Variants in FRMD4B observed in about 807,000 individuals in gnomAD.
FRMD4B encodes the protein FERM domain-containing protein 4B.
A neutral mutation model predicts 141.5 loss-of-function variants in FRMD4B; 74 were observed. That is an observed-to-expected ratio of 0.52 (90% CI 0.43 to 0.63). The LOEUF (loss-of-function observed/expected upper bound fraction) is 0.63, where lower values mean the gene tolerates loss of function less well. Among genes scored for constraint, FRMD4B ranks in the 30% least tolerant of loss-of-function variants. The probability of loss-of-function intolerance (pLI) is 0.00; values close to 1 mark genes in which losing one functional copy is unlikely to be tolerated. For missense variants in FRMD4B, 1,366 were observed against 1,253.4 expected (o/e 1.09, Z -1.36); for synonymous variants, 506 against 467.9 (o/e 1.08, Z -1.05).
chr3:69,407,686 G>C (rs1438831522), intron 2 of FRMD4B, among the ~76,000 whole-genome samples: 1 of 152,212 alleles, frequency 6.6e-6, no homozygotes, highest in African/African-American at 2.4e-5. Flanking sequence ...CCAGTTGATT[G>C]GTAGTGGCTG....
chr3:69,408,630 T>C (rs1704696878), intron 2 of FRMD4B, among the ~76,000 whole-genome samples: 1 of 152,144 alleles, frequency 6.6e-6, no homozygotes, highest in Non-Finnish European at 1.5e-5. Context: ...TCAGGGCTTG[T>C]TGCACTGCCT....
intron 19 of FRMD4B, among the ~76,000 whole-genome samples, chr3:69,187,376 T>G (rs1351362242): frequency 6.6e-6 from 1 of 151,494 alleles, no homozygotes; most frequent in African/African-American, 2.4e-5. Context: ...AGAAACCCCG[T>G]CTCTCCTAAA....
At chr3:69,409,125 C>T (rs774207951) in intron 2 of FRMD4B, among the ~76,000 whole-genome samples, 13 of 152,164 alleles carry the variant, frequency 8.5e-5, no homozygotes, top group Non-Finnish European at 1.9e-4. Flanking sequence ...TGTAGTCATT[C>T]CACTACTCAG....
intron 3 of FRMD4B, 47 bp downstream of exon 3, chr3:69,311,216 G>A: frequency 2.4e-6 from 2 of 849,908 alleles, no homozygotes; most frequent in Non-Finnish European, 3.9e-6. Flanking sequence ...CAGCAAGTAG[G>A]TAGCCCAGGC....
intron 17 of FRMD4B, among the ~76,000 whole-genome samples, chr3:69,191,676 G>C (rs867011916): frequency 1.1e-4 from 17 of 152,182 alleles, no homozygotes; most frequent in African/African-American, 3.9e-4. Context: ...TTGAAGGCAA[G>C]GTGCCAGTAT....
At chr3:69,200,708 T>G in intron 11 of FRMD4B, 1 of 1,280,840 alleles carries the variant, frequency 7.8e-7, no homozygotes, top group Non-Finnish European at 1.0e-6. Context: ...TGGAGGGCAG[T>G]TGGGATTTGC....
At chr3:69,309,291 T>A (rs1213054439) in intron 3 of FRMD4B, among the ~76,000 whole-genome samples, 1 of 128,924 alleles carries the variant, frequency 7.8e-6, no homozygotes, top group Non-Finnish European at 1.6e-5. Context: ...TCACCACACC[T>A]GGCTGATTTT....
chr3:69,499,409 G>A (rs887748198), intron 1 of FRMD4B, among the ~76,000 whole-genome samples: 2 of 152,184 alleles, frequency 1.3e-5, no homozygotes, highest in African/African-American at 2.4e-5. Context: ...TTTGGACCAT[G>A]GCTGTAGGAG....
intron 1 of FRMD4B, among the ~76,000 whole-genome samples, chr3:69,517,937 A>G (rs1182081423): frequency 6.6e-6 from 1 of 152,116 alleles, no homozygotes; most frequent in Non-Finnish European, 1.5e-5. Context: ...TGCACCACAG[A>G]GTTTCTGATT....
chr3:69,202,238 A>T (rs2092975306), intron 11 of FRMD4B, among the ~76,000 whole-genome samples: 1 of 152,134 alleles, frequency 6.6e-6, no homozygotes, highest in Non-Finnish European at 1.5e-5. Context: ...ATTTCAGACC[A>T]ATGGTCTGTA....
intron 7 of FRMD4B, among the ~76,000 whole-genome samples, chr3:69,242,668 G>C (rs1313399791): frequency 6.7e-5 from 10 of 149,262 alleles, no homozygotes; most frequent in African/African-American, 2.2e-4. Context: ...ATAGTTACTT[G>C]GTAATTTTCA....
intron 7 of FRMD4B, among the ~76,000 whole-genome samples, chr3:69,240,403 C>T (rs368588225): frequency 6.9e-6 from 1 of 145,654 alleles, no homozygotes; most frequent in Admixed American, 7.1e-5. Context: ...ATTGCTTGAA[C>T]CCGGGAGGCG....
chr3:69,402,232 G>A (rs1704575119), intron 2 of FRMD4B, among the ~76,000 whole-genome samples: 1 of 152,194 alleles, frequency 6.6e-6, no homozygotes, highest in African/African-American at 2.4e-5. Flanking sequence ...TAAGACCAAA[G>A]GGGATATCTA....
intron 2 of FRMD4B, among the ~76,000 whole-genome samples, chr3:69,422,960 A>G (rs1000512489): frequency 2.6e-5 from 4 of 152,154 alleles, no homozygotes; most frequent in Non-Finnish European, 5.9e-5. Context: ...ACTTATATAT[A>G]TGACTCACTG....
intron 1 of FRMD4B, among the ~76,000 whole-genome samples, chr3:69,443,997 A>G (rs1223966582): frequency 6.6e-6 from 1 of 152,104 alleles, no homozygotes; most frequent in Non-Finnish European, 1.5e-5. Flanking sequence ...AGACTTTTGC[A>G]TTTTGATGAC....
At chr3:69,449,450 T>TA in intron 1 of FRMD4B, among the ~76,000 whole-genome samples, 2 of 152,344 alleles carry the variant, frequency 1.3e-5, no homozygotes, top group South Asian at 4.1e-4. Context: ...AGTTGACTCT[T>TA]AAATAATCAT....
intron 22 of FRMD4B, among the ~76,000 whole-genome samples, 163 bp from the exon 23 acceptor site, chr3:69,172,144 T>A (rs942921746): frequency 1.3e-5 from 2 of 152,230 alleles, no homozygotes; most frequent in African/African-American, 4.8e-5. Flanking sequence ...GTTCTTTCAA[T>A]GTCATACTGG....
chr3:69,267,055 AAAG>A (rs1395077974), intron 5 of FRMD4B, among the ~76,000 whole-genome samples: 3 of 152,214 alleles, frequency 2.0e-5, no homozygotes, highest in African/African-American at 7.2e-5. Flanking sequence ...GAGAACTAAT[AAAG>A]AATACAGAGC....
chr3:69,365,505 G>GTTTTGTTTTGTTTTTTTT (rs770172318), intron 1 of FRMD4B, among the ~76,000 whole-genome samples: 1 of 137,864 alleles, frequency 7.3e-6, no homozygotes. Flanking sequence ...TACAACCTTT[G>GTTTTGTTTTGTTTTTTTT]TTTTTTTTCT....
Sources: gnomAD v4.1 joint callset for allele counts (sites outside exome capture counted in the v4.1 genomes callset) on GRCh38, gnomAD v4.1.1 for gene constraint, MANE v1.5 for transcripts, NCBI Gene and HGNC (gene_info 2026-07-23, HGNC 2026-07-21) for gene names.